RFX4: variants seen among roughly 807,000 people sequenced by gnomAD.
RFX4 encodes the protein transcription factor RFX4.
In RFX4, 10 loss-of-function variants were observed where a neutral mutation model predicts 95.0. The observed-to-expected ratio is 0.11, with a 90% CI of 0.06 to 0.18. The LOEUF (loss-of-function observed/expected upper bound fraction) is 0.18, where lower values mean the gene tolerates loss of function less well. Ranked by LOEUF, RFX4 falls within the 10% of genes least tolerant of loss-of-function variation. The pLI is 1.00. For synonymous variants in RFX4, 321 were observed against 340.7 expected (o/e 0.94, Z 0.64); for missense variants, 640 against 922.0 (o/e 0.69, Z 3.96).
intron 4 of RFX4, among the ~76,000 whole-genome samples, chr12:106,664,369 C>T (rs780191922): frequency 1.3e-5 from 2 of 151,708 alleles, no homozygotes; most frequent in Non-Finnish European, 3.0e-5. Context: ...CCTTTATTAT[C>T]CTTATAATGT....
chr12:106,689,252 T>A, intron 6 of RFX4, 35 bp from the exon 7 acceptor site: 1 of 1,507,706 alleles, frequency 6.6e-7, no homozygotes. Flanking sequence ...TATTAATGTA[T>A]GTCTTTGTTG....
intron 13 of RFX4, among the ~76,000 whole-genome samples, chr12:106,721,236 A>C (rs1462261731): frequency 1.3e-5 from 2 of 152,236 alleles, no homozygotes; most frequent in Admixed American, 1.3e-4. Context: ...GGGCACATGA[A>C]GAAACCTCTG....
chr12:106,697,725 A>G (rs1482576175), intron 8 of RFX4, among the ~76,000 whole-genome samples: 1 of 151,970 alleles, frequency 6.6e-6, no homozygotes, highest in African/African-American at 2.4e-5. Context: ...CCACCTTCAC[A>G]GTGCTTCCTG....
chr12:106,647,644 T>TCC (rs1407066859), intron 3 of RFX4, among the ~76,000 whole-genome samples: 1 of 152,160 alleles, frequency 6.6e-6, no homozygotes, highest in African/African-American at 2.4e-5. Context: ...AGGAACTATG[T>TCC]TAACATCAAT....
intron 7 of RFX4, among the ~76,000 whole-genome samples, chr12:106,692,656 C>G (rs1224626989): frequency 6.6e-6 from 1 of 152,170 alleles, no homozygotes; most frequent in Non-Finnish European, 1.5e-5. Flanking sequence ...GAAACAGATA[C>G]CTCAGGAAAC....
At chr12:106,695,511 G>A (rs1347347239) in intron 7 of RFX4, among the ~76,000 whole-genome samples, 1 of 152,186 alleles carries the variant, frequency 6.6e-6, no homozygotes, top group Non-Finnish European at 1.5e-5. Flanking sequence ...CCTTCGTTCA[G>A]TAACAATGTG....
intron 7 of RFX4, among the ~76,000 whole-genome samples, chr12:106,693,943 A>T (rs1214024290): frequency 2.0e-5 from 3 of 152,206 alleles, no homozygotes; most frequent in African/African-American, 7.2e-5. Flanking sequence ...AGAAATCTTC[A>T]CCAAAACCTA....
intron 1 of RFX4, among the ~76,000 whole-genome samples, chr12:106,602,464 A>G (rs2039731652): frequency 6.6e-6 from 1 of 152,198 alleles, no homozygotes; most frequent in African/African-American, 2.4e-5. Context: ...ATGTTACATA[A>G]CTAGTAAGTG....
chr12:106,675,356 A>C (rs960239022), intron 4 of RFX4, among the ~76,000 whole-genome samples: 1 of 152,150 alleles, frequency 6.6e-6, no homozygotes, highest in Admixed American at 6.5e-5. Flanking sequence ...ACTTGAACCC[A>C]GGAGGCAGAG....
At chr12:106,661,053 C>T (rs1396584716) in intron 4 of RFX4, among the ~76,000 whole-genome samples, 4 of 152,190 alleles carry the variant, frequency 2.6e-5, no homozygotes, top group Non-Finnish European at 5.9e-5. Context: ...TGAGGGCCCA[C>T]CATGTGCTGT....
intron 2 of RFX4, among the ~76,000 whole-genome samples, chr12:106,621,096 T>C (rs985924649): frequency 5.9e-5 from 9 of 152,192 alleles, no homozygotes; most frequent in Non-Finnish European, 1.3e-4. Context: ...TTACCATCAA[T>C]TTGTACAGTT....
At chr12:106,716,096 T>C (rs1236124775) in intron 11 of RFX4, among the ~76,000 whole-genome samples, 1 of 152,150 alleles carries the variant, frequency 6.6e-6, no homozygotes, top group African/African-American at 2.4e-5. Flanking sequence ...CAACCCCATG[T>C]AGGCAGGATG....
intron 15 of RFX4, among the ~76,000 whole-genome samples, chr12:106,737,006 G>A (rs570272559): frequency 2.6e-5 from 4 of 152,064 alleles, no homozygotes; most frequent in Admixed American, 2.0e-4. Context: ...TCTTGGGCTA[G>A]CCTCCTTCTA....
At chr12:106,677,717 A>C (rs571197039) in intron 4 of RFX4, among the ~76,000 whole-genome samples, 4 of 152,158 alleles carry the variant, frequency 2.6e-5, no homozygotes, top group Non-Finnish European at 5.9e-5. Context: ...AAAAAAATCA[A>C]AAAAACAAAT....
chr12:106,594,037 C>A (rs1449040084), intron 1 of RFX4, among the ~76,000 whole-genome samples: 1 of 152,152 alleles, frequency 6.6e-6, no homozygotes, highest in Non-Finnish European at 1.5e-5. Flanking sequence ...AAGTTATTTG[C>A]CTCCCCAAAA....
In RFX4 at chr12:106,727,807, G is replaced by A. The variant is rs180932068; in HGVS notation, c.1352-4323G>A. 7.9e-3 allele frequency among the ~76,000 whole-genome samples: 1,208 copies of A among 152,214 alleles called. 12 individuals are homozygous for A. Among genetic ancestry groups the A allele is most frequent in the Non-Finnish European group, 9.0e-3 (612 of 68,026 alleles). The stretch of plus-strand genomic sequence containing the variant: ...GCTAATTTTTTGTATCTTTAGTAGA[G>A]ACGGAGTTTCACCATGTTGGCCAGC... On this transcript the variant is annotated intron_variant, in intron 13 of 17. Transcript: ENST00000392842.
At chr12:106,751,878 T>G (rs1448983033) in intron 17 of RFX4, among the ~76,000 whole-genome samples, 1 of 150,482 alleles carries the variant, frequency 6.6e-6, no homozygotes, top group Non-Finnish European at 1.5e-5. Flanking sequence ...TTTCTCCCAT[T>G]TTGTAGGTTG....
chr12:106,732,068 G>C, intron 13 of RFX4, 62 bp from the exon 14 acceptor site: 1 of 1,593,558 alleles, frequency 6.3e-7, no homozygotes, highest in Non-Finnish European at 8.6e-7. Context: ...CAGTTGACCA[G>C]ACAGAGGGGG....
intron 3 of RFX4, among the ~76,000 whole-genome samples, chr12:106,642,136 G>A (rs1035462950): frequency 2.6e-5 from 4 of 151,840 alleles, no homozygotes; most frequent in African/African-American, 7.3e-5. Flanking sequence ...TCAGCCTGCC[G>A]AGTAGCTGGG....
Sources: allele counts gnomAD v4.1 joint callset (sites outside exome capture counted in the v4.1 genomes callset), GRCh38; gene constraint gnomAD v4.1.1; transcripts MANE v1.5; gene names NCBI Gene and HGNC (gene_info 2026-07-23, HGNC 2026-07-21).